The following HCK variants were observed in gnomAD, a reference collection of about 807,000 sequenced individuals.
The protein encoded by HCK is tyrosine-protein kinase HCK.
Under a neutral mutation model 70.4 loss-of-function variants are expected in HCK, and 40 were observed. The observed-to-expected ratio is 0.57, with a 90% confidence interval of 0.44 to 0.74. The LOEUF (loss-of-function observed/expected upper bound fraction) is 0.74. Among genes scored for constraint, HCK ranks in the 30% least tolerant of loss-of-function variants. The pLI is 0.00. For missense variants in HCK, 568 were observed against 697.2 expected (o/e 0.81, Z 2.09); for synonymous variants, 245 against 263.2 (o/e 0.93, Z 0.67).
chr20:32,062,505 A>G (rs538455346), intron 1 of HCK, among the ~76,000 whole-genome samples: 2 of 152,256 alleles, frequency 1.3e-5, no homozygotes, highest in South Asian at 4.1e-4. Context: ...AGCCAGCCCT[A>G]TGGCTCAGCC....
chr20:32,076,801 T>C (rs113436292), intron 5 of HCK, among the ~76,000 whole-genome samples: 372 of 151,944 alleles, frequency 2.4e-3, no homozygotes, highest in Non-Finnish European at 4.4e-3. Flanking sequence ...AATACGCATA[T>C]CTGGCCAGGT....
chr20:32,076,418 G>C (rs1276684034), intron 5 of HCK, among the ~76,000 whole-genome samples: 1 of 152,158 alleles, frequency 6.6e-6, no homozygotes, highest in African/African-American at 2.4e-5. Context: ...TTTGCCCTGG[G>C]TCATCCCATG....
In HCK at chr20:32,054,475, TAAAAAAAAAAAAAAAAAAAAAAA is replaced by T. The variant is rs529274774; in HGVS notation, c.62+2016_62+2038del. On this transcript the variant is annotated intron_variant, in intron 1 of 12. Coordinates refer to ENST00000375852, the MANE Select transcript of HCK (RefSeq NM_002110.5). The stretch of plus-strand genomic sequence containing the variant: ...TGGACAACAAAAGCGAAACTCCACC[TAAAAAAAAAAAAAAAAAAAAAAA>T]AAAAAAAAAAAAAAAAAAAAAAAAA... 9.5e-3 allele frequency among the ~76,000 whole-genome samples: 151 copies of T among 15,854 alleles called. 2 individuals are homozygous for T. Among genetic ancestry groups the T allele is most frequent in the African/African-American group, 0.024 (124 of 5,266 alleles). The allele number at this position is 15,854 out of a possible 152,430, so 10.4% of individuals were successfully genotyped here. A position where few individuals can be genotyped will look rare whatever the true frequency, so the allele number is the denominator to read the frequency against.
chr20:32,079,684 C>T, intron 5 of HCK, 90 bp from the exon 6 acceptor site: 1 of 815,486 alleles, frequency 1.2e-6, no homozygotes. Flanking sequence ...TGACATTCCC[C>T]TGGGACCTGC....
At chr20:32,070,733 G>A (rs992033623) in intron 1 of HCK, among the ~76,000 whole-genome samples, 1 of 152,088 alleles carries the variant, frequency 6.6e-6, no homozygotes, top group African/African-American at 2.4e-5. Context: ...TTCGGCTGCA[G>A]TTGAGGTCCT....
chr20:32,083,670 A>G (rs936015461), intron 6 of HCK, among the ~76,000 whole-genome samples: 2 of 152,244 alleles, frequency 1.3e-5, no homozygotes, highest in African/African-American at 4.8e-5. Flanking sequence ...ACTGAGGCAT[A>G]GAGAGGTGAC....
At chr20:32,093,420 T>C (rs1220417480) in intron 10 of HCK, among the ~76,000 whole-genome samples, 1 of 152,038 alleles carries the variant, frequency 6.6e-6, no homozygotes, top group Non-Finnish European at 1.5e-5. Flanking sequence ...TATAGCAGAA[T>C]ATGACATGAA....
Position 32,071,740 on chromosome 20 carries a change from C to T in HCK, c.141C>T (p.His47=). ...AAACTGAAACCAGCGCCAGCCCACA[C>T]TGTCCTGTGTACGTGCCGGATCCCA... Residue 47 remains histidine (H), a synonymous_variant, in exon 2 of 13, where the codon CAC becomes CAT. Coordinates refer to ENST00000375852, the MANE Select transcript of HCK (RefSeq NM_002110.5). The T allele has an allele frequency of 6.2e-7, 1 of 1,614,130 alleles. No individual in the cohort carries two copies. Among genetic ancestry groups the T allele is most frequent in the Admixed American group, 1.7e-5 (1 of 60,004 alleles).
intron 6 of HCK, among the ~76,000 whole-genome samples, chr20:32,080,442 C>A (rs1600727551): frequency 6.6e-6 from 1 of 152,062 alleles, no homozygotes; most frequent in African/African-American, 2.4e-5. Flanking sequence ...TGCGATCCAC[C>A]CCTCTTGCCC....
At chr20:32,076,852 G>A (rs1366461757) in intron 5 of HCK, among the ~76,000 whole-genome samples, 3 of 152,060 alleles carry the variant, frequency 2.0e-5, no homozygotes, top group East Asian at 3.9e-4. Context: ...TTGGGAAGCC[G>A]AGGGAGGTGG....
intron 6 of HCK, among the ~76,000 whole-genome samples, chr20:32,081,445 T>C (rs555287891): frequency 7.9e-4 from 120 of 152,344 alleles, no homozygotes; most frequent in Middle Eastern, 3.4e-3. Flanking sequence ...ATGTGCTAAG[T>C]GCACCTTTAC....
intron 11 of HCK, among the ~76,000 whole-genome samples, chr20:32,096,404 G>A (rs921740340): frequency 2.0e-5 from 3 of 150,504 alleles, no homozygotes; most frequent in Admixed American, 6.7e-5. Flanking sequence ...GGCTGAGGCA[G>A]GAGAATCATT....
intron 1 of HCK, among the ~76,000 whole-genome samples, chr20:32,058,540 A>AG (rs1235150568): frequency 2.0e-5 from 3 of 150,570 alleles, no homozygotes; most frequent in Admixed American, 6.6e-5. Context: ...CAAAAAAAAA[A>AG]AAAAGGGGGA....
chr20:32,086,290 A>C (rs1344825919), intron 8 of HCK, among the ~76,000 whole-genome samples: 1 of 152,236 alleles, frequency 6.6e-6, no homozygotes, highest in Non-Finnish European at 1.5e-5. Flanking sequence ...AAGTGCTGAG[A>C]TTACAGGCGT....
chr20:32,067,755 A>G (rs950212331), intron 1 of HCK, among the ~76,000 whole-genome samples: 1 of 152,020 alleles, frequency 6.6e-6, no homozygotes, highest in Non-Finnish European at 1.5e-5. Context: ...ATGTTTGCAT[A>G]TGGTGGCTCT....
chr20:32,073,402 G>C, intron 3 of HCK, 41 bp downstream of exon 3: 1 of 1,533,448 alleles, frequency 6.5e-7, no homozygotes. Context: ...CATGTGTCCT[G>C]CAGAGGACTC....
chr20:32,099,011 G>C lies in HCK; in HGVS notation c.1254G>C (p.Lys418Asn). The C allele has an allele frequency of 6.2e-7, 1 of 1,614,150 alleles. No individual in the cohort carries two copies. Among genetic ancestry groups the C allele is most frequent in the Non-Finnish European group, 8.5e-7 (1 of 1,180,012 alleles). Residue 418 changes from lysine (K) to asparagine (N), a missense_variant, in exon 12 of 13, where the codon AAG (lysine) becomes AAC (asparagine). Lys to Asn is a moderately conservative substitution (Grantham distance 94). Coordinates refer to ENST00000375852, the MANE Select transcript of HCK (RefSeq NM_002110.5). ...CTCTGTTCAACCCTGCAGGGGCCAA[G>C]TTCCCCATCAAGTGGACAGCTCCTG...
chr20:32,059,558 C>G (rs2045335956), intron 1 of HCK, among the ~76,000 whole-genome samples: 1 of 151,346 alleles, frequency 6.6e-6, no homozygotes, highest in African/African-American at 2.4e-5. Context: ...CTCTGTCTCC[C>G]AGGCTGGAGT....
intron 1 of HCK, among the ~76,000 whole-genome samples, chr20:32,066,430 G>A (rs1039133014): frequency 5.5e-5 from 8 of 144,202 alleles, no homozygotes; most frequent in African/African-American, 2.0e-4. Context: ...TCCTACCTCA[G>A]CCTCCCAAGT....
Sources: gnomAD v4.1 joint callset for allele counts (sites outside exome capture counted in the v4.1 genomes callset) on GRCh38, gnomAD v4.1.1 for gene constraint, MANE v1.5 for transcripts, NCBI Gene and HGNC (gene_info 2026-07-23, HGNC 2026-07-21) for gene names.